Variants in ZNF208 observed in about 807,000 individuals in gnomAD.
ZNF208 encodes zinc finger protein 95.
ZNF208 carries 10 observed loss-of-function variants against 12.1 expected under a neutral mutation model. The ratio of observed to expected loss-of-function variants is 0.83; its 90% CI spans 0.51 to 1.40. The LOEUF (loss-of-function observed/expected upper bound fraction) is 1.40. Ranked by LOEUF, ZNF208 falls within the 40% of genes most tolerant of loss-of-function variation. The pLI is 0.00. For missense variants in ZNF208, 1,652 were observed against 1,485.0 expected (o/e 1.11, Z -1.85); for synonymous variants, 497 against 488.4 (o/e 1.02, Z -0.23).
chr19:21,955,597 C>T (rs549041386), intron 4 of ZNF208, among the ~76,000 whole-genome samples: 4 of 152,140 alleles, frequency 2.6e-5, no homozygotes, highest in African/African-American at 9.7e-5. Flanking sequence ...ATCACTGATA[C>T]CCTTTCTTCC....
Position 21,972,454 on chromosome 19 carries a change from G to T in ZNF208, c.2580C>A (p.Pro860=), listed in dbSNP as rs746588486. Residue 860 remains proline (P), a synonymous_variant, in exon 4 of 4, where the codon CCC becomes CCA. Coordinates refer to ENST00000397126, the MANE Select transcript of ZNF208 (RefSeq NM_007153.3). ...CTTTGCCACATTCTTCACATTTGTAGGGTTTCTCTCCAGTATGAATTACCT... is the reference window on the plus strand; with the variant it reads ...CTTTGCCACATTCTTCACATTTGTATGGTTTCTCTCCAGTATGAATTACCT... ...KHKVIHTGEK[P]YKCEECGKAY... 12 of 1,612,968 alleles carry T rather than the reference G, an allele frequency of 7.4e-6. No individual in the cohort carries two copies. Among genetic ancestry groups the T allele is most frequent in the Non-Finnish European group, 9.3e-6 (11 of 1,179,848 alleles).
At position 21,970,689 on chromosome 19, in the gene ZNF208, G is replaced by T; in HGVS notation, c.*502C>A. Reference sequence around the variant, plus strand: ...AGCCTTTGCCACATTCTTCTCATTTGTAGAGTTTCTCTCCAGCATGAATTT... The same window carrying T: ...AGCCTTTGCCACATTCTTCTCATTTTTAGAGTTTCTCTCCAGCATGAATTT... On this transcript the variant is annotated 3_prime_UTR_variant, in exon 4 of 4. Coordinates refer to ENST00000397126, the MANE Select transcript of ZNF208 (RefSeq NM_007153.3). 1 of 1,130,028 alleles carries T rather than the reference G, an allele frequency of 8.8e-7. No individual in the cohort carries two copies. Among genetic ancestry groups the T allele is most frequent in the Non-Finnish European group, 1.3e-6 (1 of 753,882 alleles). 70.0% of individuals were successfully genotyped at this position (1,130,028 alleles called of 1,614,324 possible).
chr19:21,997,322 C>A (rs1416699773), intron 1 of ZNF208, among the ~76,000 whole-genome samples: 1 of 152,194 alleles, frequency 6.6e-6, no homozygotes, highest in African/African-American at 2.4e-5. Flanking sequence ...TGGTTATAAT[C>A]AATGACAAAA....
At position 21,970,615 on chromosome 19, in the gene ZNF208, T is replaced by C; in HGVS notation, c.*576A>G. ...ACATTCTTCACATTTGTAGGGCTTCTCACCAGTATGAATTCTCTTATGTTC... is the reference window on the plus strand; with the variant it reads ...ACATTCTTCACATTTGTAGGGCTTCCCACCAGTATGAATTCTCTTATGTTC... On this transcript the variant is annotated 3_prime_UTR_variant, in exon 4 of 4. Transcript: ENST00000397126. The C allele has an allele frequency of 2.1e-6, 2 of 931,464 alleles. No homozygotes were observed. Among genetic ancestry groups the C allele is most frequent in the Non-Finnish European group, 3.4e-6 (2 of 588,564 alleles). The allele number at this position is 931,464 out of a possible 1,614,324, so 57.7% of individuals were successfully genotyped here.
rs1213921399 is a variant in ZNF208 at position 21,966,408 on chromosome 19, T to A, written c.*4783A>T. The A allele has an allele frequency of 6.6e-6, 1 of 152,168 alleles. No individual in the cohort carries two copies. The highest frequency in any genetic ancestry group is 1.5e-5 in the Non-Finnish European group (1 of 68,010). The allele number at this position is 152,168 out of a possible 1,614,324, so 9.4% of individuals were successfully genotyped here. A position where few individuals can be genotyped will look rare whatever the true frequency, so the allele number is the denominator to read the frequency against. On this transcript the variant is annotated 3_prime_UTR_variant, in exon 4 of 4. Coordinates refer to ENST00000397126, the MANE Select transcript of ZNF208 (RefSeq NM_007153.3). Reference sequence around the variant, plus strand: ...TGCTTAGAATGGCCTGAAGCAGAGCTGCATTCATGTTGCTGCAAAAGACGT... The same window carrying A: ...TGCTTAGAATGGCCTGAAGCAGAGCAGCATTCATGTTGCTGCAAAAGACGT...
At chr19:21,956,613 C>T (rs544507571) in intron 4 of ZNF208, among the ~76,000 whole-genome samples, 1 of 152,298 alleles carries the variant, frequency 6.6e-6, no homozygotes, top group African/African-American at 2.4e-5. Flanking sequence ...GAGTAAGGCT[C>T]CTTGGGCATG....
chr19:22,003,300 T>C (rs1388349646), intron 1 of ZNF208, among the ~76,000 whole-genome samples: 1 of 152,048 alleles, frequency 6.6e-6, no homozygotes, highest in Non-Finnish European at 1.5e-5. Context: ...GATGAAGATA[T>C]GAAAAGCAAT....
At chr19:21,959,799 GA>G (rs1350283698) in intron 4 of ZNF208, among the ~76,000 whole-genome samples, 1 of 152,132 alleles carries the variant, frequency 6.6e-6, no homozygotes, top group African/African-American at 2.4e-5. Flanking sequence ...TAGCAATATA[GA>G]AAAATATATA....
chr19:21,981,597 A>G (rs1028713150), intron 3 of ZNF208, among the ~76,000 whole-genome samples: 14 of 152,248 alleles, frequency 9.2e-5, no homozygotes, highest in African/African-American at 3.4e-4. Flanking sequence ...CTGACAGACA[A>G]TATCATACTG....
chr19:21,952,808 T>C (rs1039756394), intron 4 of ZNF208, among the ~76,000 whole-genome samples: 10 of 152,146 alleles, frequency 6.6e-5, no homozygotes, highest in African/African-American at 2.2e-4. Flanking sequence ...CAAAGCTGGA[T>C]GGAGAATGAC....
intron 4 of ZNF208, among the ~76,000 whole-genome samples, chr19:21,947,783 G>C (rs1969835537): frequency 6.6e-6 from 1 of 152,126 alleles, no homozygotes. Flanking sequence ...CCATAGCAGG[G>C]GAAGCCAAAA....
intron 3 of ZNF208, among the ~76,000 whole-genome samples, chr19:21,984,911 T>G (rs1970608676): frequency 6.6e-6 from 1 of 152,136 alleles, no homozygotes; most frequent in Non-Finnish European, 1.5e-5. Flanking sequence ...AGAAATAGAA[T>G]GCGACACATA....
intron 3 of ZNF208, among the ~76,000 whole-genome samples, chr19:21,982,279 A>C (rs1194692624): frequency 1.3e-5 from 2 of 149,908 alleles, no homozygotes; most frequent in Non-Finnish European, 3.0e-5. Context: ...AATGGCGTGA[A>C]CCTGGGAGGT....
At position 21,967,373 on chromosome 19, in the gene ZNF208, G is replaced by T. The variant is rs973779056; in HGVS notation, c.*3818C>A. ...TGATTGCAAAGTATAGCTTAATTCA[G>T]TACTCTCTCTTCCATTTCATTGGTC... is the stretch of plus-strand genomic sequence containing the variant. On this transcript the variant is annotated 3_prime_UTR_variant, in exon 4 of 4. Transcript: ENST00000397126. The T allele has an allele frequency of 1.3e-5, 2 of 151,968 alleles. No homozygotes were observed. The highest frequency in any genetic ancestry group is 2.9e-5 in the Non-Finnish European group (2 of 67,984). 9.4% of individuals were successfully genotyped at this position (151,968 alleles called of 1,614,324 possible). A position where few individuals can be genotyped will look rare whatever the true frequency, so the allele number is the denominator to read the frequency against.
Position 21,972,531 on chromosome 19 carries a change from A to C in ZNF208, c.2503T>G (p.Cys835Gly). 6.2e-7 allele frequency: 1 copy of C among 1,612,962 alleles called. No individual in the cohort carries two copies. Among genetic ancestry groups the C allele is most frequent in the Non-Finnish European group, 8.5e-7 (1 of 1,179,804 alleles). Residue 835 changes from cysteine (C) to glycine (G), a missense_variant, in exon 4 of 4, where the codon TGT (cysteine) becomes GGT (glycine). By Grantham distance (159) the Cys-to-Gly change is radical. Transcript: ENST00000397126. The stretch of plus-strand genomic sequence containing the variant: ...CTAAAGGCTTTGCCACATTCTTTAC[A>C]TTTGTAGGGCTTTTCTCCAGCATGA... ...AIHAGEKPYKCKECGKAFSKF... is the reference protein window; with the variant it reads ...AIHAGEKPYKGKECGKAFSKF...
At position 21,968,961 on chromosome 19, in the gene ZNF208, T is replaced by A. The variant is rs1208861065; in HGVS notation, c.*2230A>T. Among the ~76,000 whole-genome samples the A allele has an allele frequency of 2.0e-5, 3 of 152,106 alleles. No individual in the cohort carries two copies. Among genetic ancestry groups the A allele is most frequent in the Non-Finnish European group, 4.4e-5 (3 of 68,020 alleles). ...GGACTTTGGGTGGCCAAGGTGGGCA[T>A]ATCATGAGGTCAGGAGATAGAGACC... On this transcript the variant is annotated 3_prime_UTR_variant, in exon 4 of 4. Coordinates refer to ENST00000397126, the MANE Select transcript of ZNF208 (RefSeq NM_007153.3).
Position 21,974,398 on chromosome 19 carries a change from C to G in ZNF208, c.636G>C (p.Trp212Cys). 6.2e-7 allele frequency: 1 copy of G among 1,613,720 alleles called. No individual in the cohort carries two copies. Residue 212 changes from tryptophan to cysteine, a missense_variant, in exon 4 of 4, where the codon TGG (tryptophan) becomes TGC (cysteine). Transcript: ENST00000397126. ...TCTTATAATAAGTAAGGGTTGAGGA[C>G]CAGTTAAAAGCTTTGCCACCTTCTT... ...KCEEGGKAFN[W>C]SSTLTYYKSA...
intron 4 of ZNF208, among the ~76,000 whole-genome samples, chr19:21,946,863 A>G (rs1599600728): frequency 6.6e-6 from 1 of 152,128 alleles, no homozygotes; most frequent in South Asian, 2.1e-4. Context: ...TTGAGTCTAT[A>G]CCTCAGTGTT....
At chr19:21,943,201 T>C (rs1297561353) in intron 4 of ZNF208, among the ~76,000 whole-genome samples, 1 of 152,202 alleles carries the variant, frequency 6.6e-6, no homozygotes, top group Admixed American at 6.5e-5. Flanking sequence ...AGAATGTCAC[T>C]TTCAATGTTT....
Sources: allele counts gnomAD v4.1 joint callset (sites outside exome capture counted in the v4.1 genomes callset), GRCh38; gene constraint gnomAD v4.1.1; transcripts MANE v1.5; gene names NCBI Gene and HGNC (gene_info 2026-07-23, HGNC 2026-07-21).